The following XPO7 variants were observed in gnomAD, a reference collection of about 807,000 sequenced individuals.
XPO7 encodes exportin 7.
A neutral mutation model predicts 144.3 loss-of-function variants in XPO7; 21 were observed. The observed-to-expected ratio is 0.15, with a 90% CI of 0.10 to 0.21. The LOEUF (loss-of-function observed/expected upper bound fraction) is 0.21, where lower values mean the gene tolerates loss of function less well. XPO7 is among the 10% of genes least tolerant of loss of function. XPO7 has a pLI of 1.00. For synonymous variants in XPO7, 580 were observed against 499.6 expected, an observed-to-expected ratio of 1.16 and a Z score of -2.15; for missense variants, 808 against 1,325.8, an observed-to-expected ratio of 0.61 and a Z score of 6.06.
chr8:21,933,441 T>G (rs1810721538), intron 1 of XPO7, among the ~76,000 whole-genome samples: 2 of 152,326 alleles, frequency 1.3e-5, no homozygotes, highest in South Asian at 2.1e-4. Context: ...TTGTTACTGT[T>G]ATTTAATAGA....
chr8:21,931,986 C>G (rs948404807), intron 1 of XPO7, among the ~76,000 whole-genome samples: 9 of 152,144 alleles, frequency 5.9e-5, no homozygotes, highest in Non-Finnish European at 1.0e-4. Flanking sequence ...GATTTTCCTG[C>G]CTCAGCCTCC....
chr8:21,972,417 C>G (rs1247828184), intron 5 of XPO7, among the ~76,000 whole-genome samples: 1 of 152,098 alleles, frequency 6.6e-6, no homozygotes, highest in African/African-American at 2.4e-5. Context: ...GTGGAGGTTG[C>G]AGCGAGCCAA....
intron 1 of XPO7, among the ~76,000 whole-genome samples, chr8:21,944,901 G>A (rs937022505): frequency 6.6e-6 from 1 of 152,226 alleles, no homozygotes; most frequent in African/African-American, 2.4e-5. Context: ...CACAGCACAT[G>A]TTTCAGAGAG....
intron 1 of XPO7, among the ~76,000 whole-genome samples, chr8:21,953,713 T>G (rs559959016): frequency 7.8e-4 from 119 of 152,346 alleles, no homozygotes; most frequent in African/African-American, 2.7e-3. Context: ...CTAATAGGTG[T>G]GTAGTAGTAT....
intron 1 of XPO7, among the ~76,000 whole-genome samples, chr8:21,963,644 G>A (rs952706577): frequency 6.6e-6 from 1 of 150,898 alleles, no homozygotes; most frequent in Non-Finnish European, 1.5e-5. Context: ...ACAGTGAGCC[G>A]AGATCACATC....
Position 22,002,219 on chromosome 8 carries a change from G to A in XPO7, c.2890G>A (p.Glu964Lys). Residue 964 changes from glutamate (E) to lysine (K), a missense_variant, in exon 25 of 28, where the codon GAG becomes AAG. Physicochemically the swap from Glu to Lys is moderately conservative, Grantham distance 56. Transcript: ENST00000252512. Reference sequence around the variant, plus strand: ...GAAGAGGACCACACCCCTGAACCAGGAGAGCGACCGCTTTCTGCACATCAT... The same window carrying A: ...GAAGAGGACCACACCCCTGAACCAGAAGAGCGACCGCTTTCTGCACATCAT... The part of the protein sequence containing the change: ...TKKRTTPLNQ[E>K]SDRFLHIMQQ... 1 of 1,613,388 alleles carries A rather than the reference G, an allele frequency of 6.2e-7. No homozygotes were observed. The highest frequency in any genetic ancestry group is 8.5e-7 in the Non-Finnish European group (1 of 1,179,662).
chr8:21,955,485 C>T (rs1811506305), intron 1 of XPO7, among the ~76,000 whole-genome samples: 1 of 152,202 alleles, frequency 6.6e-6, no homozygotes, highest in Non-Finnish European at 1.5e-5. Flanking sequence ...TCCAGGTATT[C>T]TGTCCTCAGG....
chr8:21,993,656 A>G (rs1227421947), intron 19 of XPO7, among the ~76,000 whole-genome samples: 1 of 152,106 alleles, frequency 6.6e-6, no homozygotes, highest in Non-Finnish European at 1.5e-5. Context: ...ACCTAGCAAC[A>G]TGACTGGGGG....
Position 21,981,816 on chromosome 8 carries a change from A to G in XPO7, c.1043A>G (p.Lys348Arg). ...AACTATCAACTGGGAGAATTGGTAA[A>G]GGTGGAAAACTACCCTGAGGTCATC... ...KSNYQLGELV[K>R]VENYPEVIRL... Residue 348 changes from lysine (K) to arginine (R), a missense_variant, in exon 10 of 28, where the codon AAG becomes AGG. Transcript: ENST00000252512. The G allele has an allele frequency of 6.2e-7, 1 of 1,614,036 alleles. No homozygotes were observed. The highest frequency in any genetic ancestry group is 8.5e-7 in the Non-Finnish European group (1 of 1,179,890).
At position 21,994,463 on chromosome 8, in the gene XPO7, C is replaced by A; in HGVS notation, c.2237+12C>A. 2 of 1,607,102 alleles carry A rather than the reference C, an allele frequency of 1.2e-6. No homozygotes were observed. The highest frequency in any genetic ancestry group is 2.2e-5 in the South Asian group (2 of 90,448). On this transcript the variant is annotated intron_variant, in intron 20 of 27. Coordinates refer to ENST00000252512, the MANE Select transcript of XPO7 (RefSeq NM_015024.5). The stretch of plus-strand genomic sequence containing the variant: ...CTCTTTGAATGGATGTATCCTAACT[C>A]AAACTAGGAGCACACTACAGCCTGC...
intron 1 of XPO7, among the ~76,000 whole-genome samples, chr8:21,948,807 C>G (rs1051464753): frequency 1.3e-5 from 2 of 152,160 alleles, no homozygotes; most frequent in African/African-American, 4.8e-5. Context: ...ATTTTACACA[C>G]CAGAAGGCAT....
chr8:21,995,602 A>G lies in XPO7; in HGVS notation c.2345+3A>G, dbSNP rs767470455. 7.6e-6 allele frequency: 12 copies of G among 1,588,926 alleles called. No homozygotes were observed. The East Asian group carries it at 2.5e-4, about 33-fold the overall frequency. ...ATGGCTGAATTGGTTCATAATAGGT[A>G]AGCAGGAGGCAGAGCTTGCAAGGGC... On this transcript the variant is annotated splice_donor_region_variant and intron_variant, in intron 21 of 27. Coordinates refer to ENST00000252512, the MANE Select transcript of XPO7 (RefSeq NM_015024.5).
intron 1 of XPO7, among the ~76,000 whole-genome samples, chr8:21,928,426 A>G (rs2117243220): frequency 6.6e-6 from 1 of 152,296 alleles, no homozygotes; most frequent in Middle Eastern, 3.4e-3. Context: ...ATGGATGTAC[A>G]TTTTTATTTC....
At chr8:21,926,413 A>G (rs1186675935) in intron 1 of XPO7, among the ~76,000 whole-genome samples, 4 of 152,182 alleles carry the variant, frequency 2.6e-5, no homozygotes, top group African/African-American at 7.2e-5. Flanking sequence ...GTTTGAGTCA[A>G]TTTATGGTTT....
intron 1 of XPO7, among the ~76,000 whole-genome samples, chr8:21,952,186 T>C (rs1379935795): frequency 6.6e-6 from 1 of 152,218 alleles, no homozygotes; most frequent in Admixed American, 6.5e-5. Flanking sequence ...ATTAGGAATA[T>C]TCAAAAATAA....
At chr8:21,972,549 C>G (rs1030840102) in intron 5 of XPO7, among the ~76,000 whole-genome samples, 1 of 152,310 alleles carries the variant, frequency 6.6e-6, no homozygotes, top group Middle Eastern at 3.4e-3. Flanking sequence ...AAAGGTCGAC[C>G]TTTTGTGTGC....
intron 7 of XPO7, among the ~76,000 whole-genome samples, chr8:21,976,836 T>G (rs1812239161): frequency 6.6e-6 from 1 of 152,148 alleles, no homozygotes; most frequent in African/African-American, 2.4e-5. Context: ...TTTGTTTATG[T>G]TTTGTAGAAG....
At chr8:21,978,125 A>G (rs912572694) in intron 8 of XPO7, among the ~76,000 whole-genome samples, 1 of 152,154 alleles carries the variant, frequency 6.6e-6, no homozygotes, top group Non-Finnish European at 1.5e-5. Context: ...TCAAACGGCC[A>G]CAGGCTAGCA....
intron 1 of XPO7, among the ~76,000 whole-genome samples, chr8:21,954,816 G>C (rs1412721724): frequency 6.6e-6 from 1 of 152,102 alleles, no homozygotes; most frequent in African/African-American, 2.4e-5. Context: ...TAGCCAGTAG[G>C]TTATCACTTT....
Sources: gnomAD v4.1 joint callset for allele counts (sites outside exome capture counted in the v4.1 genomes callset) on GRCh38, gnomAD v4.1.1 for gene constraint, MANE v1.5 for transcripts, NCBI Gene and HGNC (gene_info 2026-07-23, HGNC 2026-07-21) for gene names.